The following ATAD3A variants were observed in gnomAD, a reference collection of about 807,000 sequenced individuals.
The protein encoded by ATAD3A is ATPase family AAA domain containing 3A.
In ATAD3A, 46 loss-of-function variants were observed where a neutral mutation model predicts 73.8. The ratio of observed to expected loss-of-function variants is 0.62; its 90% CI spans 0.49 to 0.80. ATAD3A has a LOEUF of 0.80. Ranked by LOEUF, ATAD3A falls within the 30% of genes least tolerant of loss-of-function variation. The probability of loss-of-function intolerance (pLI) is 0.00; values close to 1 mark genes in which losing one functional copy is unlikely to be tolerated. For missense variants in ATAD3A, 705 were observed against 838.0 expected (o/e 0.84, Z 1.96); for synonymous variants, 319 against 350.0 (o/e 0.91, Z 0.99).
In ATAD3A at chr1:1,527,109, C is replaced by G. The variant is rs1044532036; in HGVS notation, c.1337+578C>G. On this transcript the variant is annotated intron_variant, in intron 13 of 15. Transcript: ENST00000378756. ...CCGCCCCATGGCCAGGCTCCCTAGT[C>G]CCTCCCAAGTCCCCTAATTTTGAGT... The G allele has an allele frequency of 1.1e-4, 133 of 1,234,168 alleles. 1 individual carries two copies. Among genetic ancestry groups the G allele is most frequent in the Admixed American group, 9.1e-4 (39 of 43,072 alleles). The allele number at this position is 1,234,168 out of a possible 1,614,324, so 76.5% of individuals were successfully genotyped here.
intron 2 of ATAD3A, 102 bp from the exon 3 acceptor site, chr1:1,517,209 G>T (rs752534140): frequency 9.7e-6 from 15 of 1,545,912 alleles, no homozygotes; most frequent in Non-Finnish European, 1.3e-5. Context: ...ACTAGTCTGG[G>T]CATGGAGTCT....
rs1374772024 is a variant in ATAD3A at position 1,534,217 on chromosome 1, G to A, written c.*145G>A. On this transcript the variant is annotated 3_prime_UTR_variant, in exon 16 of 16. Coordinates refer to ENST00000378756, the MANE Select transcript of ATAD3A (RefSeq NM_001170535.3). ...TCTGTCCCCCAGGATGTCTTGTGGT[G>A]CGGGTCGGCCGTTCTGCCCCCCAGG... 4 of 1,509,022 alleles carry A rather than the reference G, an allele frequency of 2.7e-6. No homozygotes were observed. The highest frequency in any genetic ancestry group is 1.3e-5 in the South Asian group (1 of 76,474). The allele number at this position is 1,509,022 out of a possible 1,614,324, so 93.5% of individuals were successfully genotyped here.
chr1:1,512,874 C>A (rs992209293), intron 1 of ATAD3A, among the ~76,000 whole-genome samples: 2 of 152,100 alleles, frequency 1.3e-5, no homozygotes, highest in Non-Finnish European at 2.9e-5. Context: ...GCAGTTTCCA[C>A]GTAACAAGGG....
chr1:1,512,572 A>G, intron 1 of ATAD3A, 99 bp downstream of exon 1: 1 of 1,395,614 alleles, frequency 7.2e-7, no homozygotes, highest in Non-Finnish European at 9.5e-7. Context: ...GTCGGCAGCC[A>G]CTTCCCGGGC....
At chr1:1,527,601 T>A in intron 13 of ATAD3A, 94 bp from the exon 14 acceptor site, 1 of 1,457,002 alleles carries the variant, frequency 6.9e-7, no homozygotes, top group African/African-American at 1.4e-5. Context: ...CCCGCCACTT[T>A]AGGTTCTCCC....
rs1310078058 is a variant in ATAD3A at position 1,523,783 on chromosome 1, C to A, written c.964-56C>A. The A allele has an allele frequency of 6.2e-7, 1 of 1,611,812 alleles. No homozygotes were observed. The highest frequency in any genetic ancestry group is 8.5e-7 in the Non-Finnish European group (1 of 1,179,002). On this transcript the variant is annotated intron_variant, in intron 9 of 15. Coordinates refer to ENST00000378756, the MANE Select transcript of ATAD3A (RefSeq NM_001170535.3). This position sits in a 1 kb window ranked among gnomAD's most constrained non-coding sequence, Gnocchi z 5.1. ...CCCAGGCATTCCCGCAGCCCCTTCC[C>A]CTGAGGCTTCCATGGGTGCACAGTG...
At position 1,527,205 on chromosome 1, in the gene ATAD3A, C is replaced by T. The variant is rs1007906823; in HGVS notation, c.1338-490C>T. 6.9e-6 allele frequency: 9 copies of T among 1,302,688 alleles called. No individual in the cohort carries two copies. In the African/African-American group the frequency reaches 1.1e-4, roughly 15 times the overall value. 80.7% of individuals were successfully genotyped at this position (1,302,688 alleles called of 1,614,324 possible). ...GGAGGATCAAGTCCTGCTGGTCGGCCGTGGCTGACTCCTCAGGCACGTTGG... is the reference window on the plus strand; with the variant it reads ...GGAGGATCAAGTCCTGCTGGTCGGCTGTGGCTGACTCCTCAGGCACGTTGG... On this transcript the variant is annotated intron_variant, in intron 13 of 15. Transcript: ENST00000378756.
intron 11 of ATAD3A, 59 bp from the exon 12 acceptor site, chr1:1,525,181 C>G: frequency 6.2e-7 from 1 of 1,610,502 alleles, no homozygotes; most frequent in Non-Finnish European, 8.5e-7. Flanking sequence ...CGGCCGGACG[C>G]TGCTGTGGGC....
chr1:1,515,392 TAA>T (rs774599113), intron 1 of ATAD3A, among the ~76,000 whole-genome samples: 23 of 152,316 alleles, frequency 1.5e-4, no homozygotes, highest in Admixed American at 2.6e-4. Flanking sequence ...ATTTTTATGG[TAA>T]AGTTTTATGA....
At chr1:1,526,055 C>T (rs1641831908) in intron 12 of ATAD3A, among the ~76,000 whole-genome samples, 1 of 150,480 alleles carries the variant, frequency 6.6e-6, no homozygotes, top group Non-Finnish European at 1.5e-5. Context: ...CAGAATTTTA[C>T]TCTGTTGCCC....
chr1:1,514,394 T>C (rs1466657456), intron 1 of ATAD3A, among the ~76,000 whole-genome samples: 1 of 152,184 alleles, frequency 6.6e-6, no homozygotes, highest in Non-Finnish European at 1.5e-5. Context: ...GTGAGAGTGG[T>C]TGAGAGCCCG....
intron 15 of ATAD3A, among the ~76,000 whole-genome samples, chr1:1,529,761 G>A (rs1263410757): frequency 6.6e-6 from 1 of 152,220 alleles, no homozygotes; most frequent in Non-Finnish European, 1.5e-5. Context: ...GGTCCTGCTT[G>A]ACACATGGGT....
At chr1:1,529,565 G>A (rs951480762) in intron 15 of ATAD3A, among the ~76,000 whole-genome samples, 3 of 152,230 alleles carry the variant, frequency 2.0e-5, no homozygotes, top group African/African-American at 7.2e-5. Context: ...CAGTCACCCG[G>A]GGCTCTCTGG....
At chr1:1,528,396 T>C (rs1332377699) in intron 14 of ATAD3A, among the ~76,000 whole-genome samples, 2 of 147,306 alleles carry the variant, frequency 1.4e-5, no homozygotes, top group Non-Finnish European at 2.9e-5. Flanking sequence ...CGAAGGAGTC[T>C]CTCCTCATGA....
At chr1:1,516,578 A>G (rs1391449177) in intron 2 of ATAD3A, among the ~76,000 whole-genome samples, 1 of 151,924 alleles carries the variant, frequency 6.6e-6, no homozygotes. Context: ...ACACCTGGCT[A>G]ATTTTTATAT....
rs553766243 is a variant in ATAD3A at position 1,523,266 on chromosome 1, C to G, written c.907-245C>G. The stretch of plus-strand genomic sequence containing the variant: ...CCGCTCGCCGCCCCCGAGGTGCCTG[C>G]TCTCCACAGGTCACTGGGTAGGTGG... On this transcript the variant is annotated intron_variant, in intron 8 of 15. Transcript: ENST00000378756. This position sits in a 1 kb window ranked among gnomAD's most constrained non-coding sequence, Gnocchi z 5.1. Among the ~76,000 whole-genome samples, 1 of 152,266 alleles carries G rather than the reference C, an allele frequency of 6.6e-6. No individual in the cohort carries two copies. The highest frequency in any genetic ancestry group is 1.5e-5 in the Non-Finnish European group (1 of 68,010).
At chr1:1,515,827 C>T (rs1641336224) in intron 1 of ATAD3A, among the ~76,000 whole-genome samples, 185 bp from the exon 2 acceptor site, 1 of 152,172 alleles carries the variant, frequency 6.6e-6, no homozygotes, top group Non-Finnish European at 1.5e-5. Context: ...TGCATCAGGC[C>T]GTGTGCTGGG....
At position 1,517,407 on chromosome 1, in the gene ATAD3A, C is replaced by G. The variant is rs1312534656; in HGVS notation, c.379C>G (p.Gln127Glu). The change falls in exon 3 of 16, where the codon CAG becomes GAG. Residue 127 changes from glutamine (Q) to glutamate (E), a missense_variant. This residue lies in a region of ATAD3A where 125 missense variants were observed against 170.6 expected (regional missense o/e 0.73). Transcript: ENST00000378756. ...CCTGAGCGAGGAGACCCGGCAGCACCAGGCCGTAAGAGCGCAAGAGGCCGC... is the reference window on the plus strand; with the variant it reads ...CCTGAGCGAGGAGACCCGGCAGCACGAGGCCGTAAGAGCGCAAGAGGCCGC... ...KTLSEETRQH[Q>E]ARAQYQDKLA... The G allele has an allele frequency of 3.4e-5, 52 of 1,522,588 alleles. No homozygotes were observed. Among genetic ancestry groups the G allele is most frequent in the Non-Finnish European group, 4.4e-5 (50 of 1,136,756 alleles). 94.3% of individuals were successfully genotyped at this position (1,522,588 alleles called of 1,614,324 possible). A position where few individuals can be genotyped will look rare whatever the true frequency, so the allele number is the denominator to read the frequency against.
intron 4 of ATAD3A, among the ~76,000 whole-genome samples, chr1:1,518,418 GACAC>G (rs375121012): frequency 7.4e-5 from 9 of 120,922 alleles, no homozygotes; most frequent in African/African-American, 2.6e-4. Context: ...CCCATAGACG[GACAC>G]ACACACACCC....
Sources: gnomAD v4.1 joint callset for allele counts (sites outside exome capture counted in the v4.1 genomes callset) on GRCh38, gnomAD v4.1.1 for gene constraint, gnomAD v4.1.1 regional missense constraint, Gnocchi (gnomAD v3.1) non-coding constraint, MANE v1.5 for transcripts, NCBI Gene and HGNC (gene_info 2026-07-23, HGNC 2026-07-21) for gene names.